Variants in CPS1 observed in about 807,000 individuals in gnomAD.
The protein encoded by CPS1 is carbamoyl-phosphate synthase 1.
Under a neutral mutation model 174.6 loss-of-function variants are expected in CPS1, and 109 were observed. The ratio of observed to expected loss-of-function variants is 0.62; its 90% CI spans 0.53 to 0.73. The LOEUF (loss-of-function observed/expected upper bound fraction) is 0.73, where lower values mean the gene tolerates loss of function less well. Ranked by LOEUF, CPS1 falls within the 30% of genes least tolerant of loss-of-function variation. The pLI is 0.00. For missense variants in CPS1, 1,689 were observed against 1,821.9 expected (o/e 0.93, Z 1.33); for synonymous variants, 637 against 632.0 (o/e 1.01, Z -0.12).
chr2:210,529,372 A>G (rs1202659680), intron 1 of CPS1, among the ~76,000 whole-genome samples: 1 of 152,016 alleles, frequency 6.6e-6, no homozygotes, highest in Non-Finnish European at 1.5e-5. Flanking sequence ...AGGCTCTGCC[A>G]GAATAAACCT....
intron 1 of CPS1, among the ~76,000 whole-genome samples, chr2:210,514,824 T>C (rs2105980667): frequency 6.6e-6 from 1 of 151,362 alleles, no homozygotes; most frequent in South Asian, 2.1e-4. Context: ...ATGCTGGTTG[T>C]GCATTTGTCA....
At chr2:210,561,199 T>C (rs1697089335) in intron 1 of CPS1, among the ~76,000 whole-genome samples, 1 of 152,164 alleles carries the variant, frequency 6.6e-6, no homozygotes, top group South Asian at 2.1e-4. Flanking sequence ...TGTCCTAGAC[T>C]AGGTTAAGTG....
At chr2:210,479,826 C>T (rs996679476) in intron 1 of CPS1, among the ~76,000 whole-genome samples, 3 of 152,034 alleles carry the variant, frequency 2.0e-5, no homozygotes, top group African/African-American at 7.2e-5. Context: ...TGTAATGTTC[C>T]TTCTTTTAAT....
rs181437699 is a variant in CPS1, at chr2:210,496,792, G to A, written c.3+19026G>A. Among the ~76,000 whole-genome samples the A allele has an allele frequency of 2.4e-4, 36 of 152,202 alleles. No individual in the cohort carries two copies. The East Asian group carries it at 6.2e-3, about 26-fold the overall frequency. Reference sequence around the variant, plus strand: ...ACGTTTGTCCCACAGATAGCTGCACGGCTCAGTGCCTCACCTTCTCAGCAA... The same window carrying A: ...ACGTTTGTCCCACAGATAGCTGCACAGCTCAGTGCCTCACCTTCTCAGCAA... On this transcript the variant is annotated intron_variant, in intron 1 of 38. Transcript: ENST00000430249.
Position 210,605,089 on chromosome 2 carries a change from C to T in CPS1, c.1837-13C>T. On this transcript the variant is annotated splice_polypyrimidine_tract_variant and intron_variant, in intron 16 of 37. Transcript: ENST00000233072. ...TTTCTTACTCTTTGATATCTTTTGT[C>T]ACCAATTTCTAGGCCTTTGCTATGA... 5.0e-6 allele frequency: 8 copies of T among 1,611,338 alleles called. No individual in the cohort carries two copies. The highest frequency in any genetic ancestry group is 5.9e-6 in the Non-Finnish European group (7 of 1,178,296).
chr2:210,542,621 T>G (rs1696463200), intron 1 of CPS1, among the ~76,000 whole-genome samples: 1 of 152,042 alleles, frequency 6.6e-6, no homozygotes, highest in Admixed American at 6.6e-5. Flanking sequence ...AAGTCTTCAT[T>G]TTTTGGTTAT....
chr2:210,627,825 TCTC>T (rs761037112), intron 21 of CPS1, among the ~76,000 whole-genome samples: 28 of 152,080 alleles, frequency 1.8e-4, no homozygotes, highest in Admixed American at 7.9e-4. Context: ...CTTCTAAACT[TCTC>T]CTCCTGCTTC....
At chr2:210,665,126 C>T (rs12997383) in intron 33 of CPS1, among the ~76,000 whole-genome samples, 22,192 of 152,124 alleles carry the variant, frequency 0.15, 1,774 homozygotes, top group African/African-American at 0.21. Context: ...ATTTGAGACT[C>T]ATTAACTTAG....
At chr2:210,525,330 ATGC>A (rs1695943760) in intron 1 of CPS1, among the ~76,000 whole-genome samples, 1 of 151,968 alleles carries the variant, frequency 6.6e-6, no homozygotes, top group Non-Finnish European at 1.5e-5. Context: ...CTGAGAGACT[ATGC>A]TGTCTTTTAA....
intron 1 of CPS1, among the ~76,000 whole-genome samples, chr2:210,495,605 A>C (rs1694974101): frequency 6.6e-6 from 1 of 152,112 alleles, no homozygotes; most frequent in Non-Finnish European, 1.5e-5. Flanking sequence ...CTGCTTGTTC[A>C]TTCCAGTTGA....
At chr2:210,606,971 GCAGATTCTTTT>G in intron 18 of CPS1, 30 bp downstream of exon 18, 3 of 1,590,722 alleles carry the variant, frequency 1.9e-6, no homozygotes, top group Non-Finnish European at 2.6e-6. Context: ...CCATGGGTTT[GCAGATTCTTTT>G]CAGATAGAAA....
chr2:210,626,896 G>A (rs1228187180), intron 21 of CPS1, among the ~76,000 whole-genome samples: 7 of 152,262 alleles, frequency 4.6e-5, no homozygotes, highest in African/African-American at 1.7e-4. Context: ...TAATAAAGGT[G>A]AAAAATATCA....
chr2:210,663,645 T>C (rs1028516377), intron 33 of CPS1, among the ~76,000 whole-genome samples: 1 of 151,292 alleles, frequency 6.6e-6, no homozygotes, highest in Non-Finnish European at 1.5e-5. Context: ...TGCAGATACA[T>C]GCAAAATTTT....
intron 1 of CPS1, among the ~76,000 whole-genome samples, chr2:210,500,902 A>T (rs747998544): frequency 9.9e-5 from 15 of 152,184 alleles, no homozygotes; most frequent in Non-Finnish European, 2.1e-4. Flanking sequence ...AGGGTTCTCC[A>T]TGAGGGCTCT....
At chr2:210,490,599 T>C (rs1205409405) in intron 1 of CPS1, among the ~76,000 whole-genome samples, 2 of 152,182 alleles carry the variant, frequency 1.3e-5, no homozygotes, top group African/African-American at 4.8e-5. Flanking sequence ...GGGGGGACAG[T>C]GAAGGACATT....
At chr2:210,566,538 A>G (rs1697308856) in intron 1 of CPS1, among the ~76,000 whole-genome samples, 1 of 152,242 alleles carries the variant, frequency 6.6e-6, no homozygotes, top group African/African-American at 2.4e-5. Flanking sequence ...GCTCTTATAA[A>G]TAAATTTAAA....
chr2:210,561,836 T>G (rs113841387), intron 1 of CPS1, among the ~76,000 whole-genome samples: 2,452 of 152,326 alleles, frequency 0.016, 52 homozygotes, highest in African/African-American at 0.051. Context: ...GCTTTTTATT[T>G]TTTTCAACTT....
chr2:210,585,226 T>A (rs12992801), intron 6 of CPS1, among the ~76,000 whole-genome samples: 10,572 of 152,030 alleles, frequency 0.07, 548 homozygotes, highest in East Asian at 0.25. Context: ...AAATAATGAA[T>A]AAATAAAGGA....
At chr2:210,513,531 G>A (rs181415534) in intron 1 of CPS1, among the ~76,000 whole-genome samples, 1 of 151,694 alleles carries the variant, frequency 6.6e-6, no homozygotes, top group Non-Finnish European at 1.5e-5. Context: ...TTTTTTAATG[G>A]GGTTAAGTTG....
Sources: allele counts gnomAD v4.1 joint callset (sites outside exome capture counted in the v4.1 genomes callset), GRCh38; gene constraint gnomAD v4.1.1; transcripts MANE v1.5; gene names NCBI Gene and HGNC (gene_info 2026-07-23, HGNC 2026-07-21).